Variants in PPP1R9A observed in about 807,000 individuals in gnomAD.
PPP1R9A encodes protein phosphatase 1 regulatory subunit 9A.
Under a neutral mutation model 141.9 loss-of-function variants are expected in PPP1R9A, and 59 were observed. That is an observed-to-expected ratio of 0.42 (90% confidence interval 0.34 to 0.52). The LOEUF is 0.52. Among genes scored for constraint, PPP1R9A ranks in the 20% least tolerant of loss-of-function variants. The pLI is 0.10. For missense variants in PPP1R9A, 1,444 were observed against 1,611.9 expected (o/e 0.90, Z 1.78); for synonymous variants, 500 against 569.7 (o/e 0.88, Z 1.74).
At chr7:95,190,158 C>T (rs1835287405) in intron 5 of PPP1R9A, among the ~76,000 whole-genome samples, 1 of 152,154 alleles carries the variant, frequency 6.6e-6, no homozygotes, top group East Asian at 1.9e-4. Context: ...CAACCTGTTT[C>T]AGTGGAAAAA....
intron 2 of PPP1R9A, among the ~76,000 whole-genome samples, chr7:95,095,434 AAC>A (rs1217654648): frequency 6.6e-6 from 1 of 152,206 alleles, no homozygotes; most frequent in African/African-American, 2.4e-5. Context: ...TTACTTCAAA[AAC>A]ACTAAGAATA....
intron 9 of PPP1R9A, 23 bp downstream of exon 9, chr7:95,247,549 T>C: frequency 8.2e-6 from 13 of 1,577,230 alleles, no homozygotes; most frequent in Non-Finnish European, 1.0e-5. Context: ...ACATGGTGTT[T>C]GAATTTTACT....
At chr7:95,171,355 C>A (rs555056261) in intron 5 of PPP1R9A, among the ~76,000 whole-genome samples, 1 of 151,450 alleles carries the variant, frequency 6.6e-6, no homozygotes, top group African/African-American at 2.4e-5. Context: ...AAATGTGTCA[C>A]GCTAGCATTA....
intron 2 of PPP1R9A, among the ~76,000 whole-genome samples, chr7:95,080,058 A>G (rs1287679006): frequency 6.6e-6 from 1 of 152,130 alleles, no homozygotes; most frequent in Non-Finnish European, 1.5e-5. Context: ...CACCACTCCT[A>G]TTCAACATAG....
At position 95,294,094 on chromosome 7, in the gene PPP1R9A, T is replaced by A. The variant is rs1179574469; in HGVS notation, c.*3791T>A. ...TGGGCAGTGGTCACTAGGGTTCACG[T>A]CACCTACTTAATGCAAAGACCTTAG... On this transcript the variant is annotated 3_prime_UTR_variant, in exon 20 of 20. Transcript: ENST00000433360. The A allele has an allele frequency of 6.6e-6, 1 of 152,128 alleles. No individual in the cohort carries two copies. Among genetic ancestry groups the A allele is most frequent in the East Asian group, 1.9e-4 (1 of 5,192 alleles). 9.4% of individuals were successfully genotyped at this position (152,128 alleles called of 1,614,324 possible).
At position 95,223,552 on chromosome 7, in the gene PPP1R9A, T is replaced by A. The variant is rs184127367; in HGVS notation, c.1957-2409T>A. 3.1e-3 allele frequency among the ~76,000 whole-genome samples: 477 copies of A among 152,196 alleles called. 7 individuals carry two copies. Among genetic ancestry groups the A allele is most frequent in the South Asian group, 3.3e-3 (16 of 4,828 alleles). ...CTTTTAAAAATATTTGCTGAGATCC[T>A]GTTATATGTCAGGTCCCATCCTAGG... is the stretch of plus-strand genomic sequence containing the variant. On this transcript the variant is annotated intron_variant, in intron 7 of 19. Transcript: ENST00000433360.
intron 2 of PPP1R9A, among the ~76,000 whole-genome samples, chr7:95,043,722 T>C (rs1041789865): frequency 2.0e-5 from 3 of 152,340 alleles, no homozygotes; most frequent in East Asian, 3.9e-4. Context: ...TATTGTCTTG[T>C]TAAATTTCCT....
intron 6 of PPP1R9A, among the ~76,000 whole-genome samples, chr7:95,203,318 A>G (rs1789988441): frequency 6.6e-6 from 1 of 152,132 alleles, no homozygotes; most frequent in Non-Finnish European, 1.5e-5. Context: ...ACAATAATAT[A>G]ATATTTATGT....
chr7:95,264,656 TCTGTCATTAGCTA>T (rs1310413463), intron 12 of PPP1R9A, among the ~76,000 whole-genome samples: 1 of 152,192 alleles, frequency 6.6e-6, no homozygotes, highest in Non-Finnish European at 1.5e-5. Context: ...TCAAAACTGC[TCTGTCATTAGCTA>T]CTTCATATCT....
chr7:95,200,502 A>ACTCCTGGCCTCAAGCAGTC lies in PPP1R9A; in HGVS notation c.1890+2025_1890+2043dup, dbSNP rs1480309830. Among the ~76,000 whole-genome samples the ACTCCTGGCCTCAAGCAGTC allele has an allele frequency of 5.3e-5, 8 of 150,202 alleles. 1 individual carries two copies. The East Asian group carries it at 1.6e-3, about 30-fold the overall frequency. On this transcript the variant is annotated intron_variant, in intron 6 of 19. Transcript: ENST00000433360. ...ACTATGTTGTCCAGGCCTGTCTTGAACTCCTGGCCTCAAGCAGTCCTCCTG... is the reference window on the plus strand; with the variant it reads ...ACTATGTTGTCCAGGCCTGTCTTGAACTCCTGGCCTCAAGCAGTCCTCCTGGCCTCAAGCAGTCCTCCTG...
intron 2 of PPP1R9A, among the ~76,000 whole-genome samples, chr7:94,914,436 C>A (rs1791820271): frequency 6.6e-6 from 1 of 152,098 alleles, no homozygotes; most frequent in South Asian, 2.1e-4. Flanking sequence ...TGTACATATA[C>A]CTTGATTTTT....
intron 5 of PPP1R9A, among the ~76,000 whole-genome samples, chr7:95,171,349 G>T (rs1190556610): frequency 1.3e-5 from 2 of 151,546 alleles, no homozygotes; most frequent in African/African-American, 2.4e-5. Flanking sequence ...TAGAAAAAAT[G>T]TGTCACGCTA....
At chr7:94,958,346 C>A (rs1180975266) in intron 2 of PPP1R9A, among the ~76,000 whole-genome samples, 2 of 151,800 alleles carry the variant, frequency 1.3e-5, no homozygotes, top group Admixed American at 6.6e-5. Flanking sequence ...CTTGATGTTT[C>A]TTCTTCATTT....
intron 4 of PPP1R9A, among the ~76,000 whole-genome samples, chr7:95,141,126 A>G (rs1468833563): frequency 1.3e-5 from 2 of 152,214 alleles, no homozygotes; most frequent in Non-Finnish European, 2.9e-5. Context: ...TGCATGGTGA[A>G]ATAAGGGTGA....
rs114207087 is a variant in PPP1R9A at position 94,991,113 on chromosome 7, G to A, written c.1395+79605G>A. ...TAGTTTTTTGAGAAACTTCCATACT[G>A]TTCTTCATAGTGGCTGTACTAGTTT... On this transcript the variant is annotated intron_variant, in intron 2 of 19. Transcript: ENST00000433360. Among the ~76,000 whole-genome samples, 512 of 152,238 alleles carry A rather than the reference G, an allele frequency of 3.4e-3. 5 individuals carry two copies. Among genetic ancestry groups the A allele is most frequent in the African/African-American group, 0.012 (487 of 41,552 alleles).
At position 95,250,061 on chromosome 7, in the gene PPP1R9A, A is replaced by G. The variant is rs1462575310; in HGVS notation, c.2202A>G (p.Glu734=). Residue 734 remains glutamate, a synonymous_variant, in exon 10 of 20, where the codon GAA becomes GAG. Transcript: ENST00000433360. ...CAGAAAATGAGAAAGTGAGGTGGGA[A>G]CTAGAAAAAACCCAACTCCAACAAA... ...QAAENEKVRW[E]LEKTQLQQNI... is the part of the protein sequence containing the mutation. 1 of 1,611,338 alleles carries G rather than the reference A, an allele frequency of 6.2e-7. No individual in the cohort carries two copies. Among genetic ancestry groups the G allele is most frequent in the African/African-American group, 1.3e-5 (1 of 74,808 alleles).
chr7:95,211,056 T>A (rs1347287732), intron 7 of PPP1R9A, among the ~76,000 whole-genome samples: 1 of 151,884 alleles, frequency 6.6e-6, no homozygotes, highest in African/African-American at 2.4e-5. Context: ...AGATGACCGG[T>A]TGATGGGTGC....
At chr7:95,219,273 C>A (rs1794032405) in intron 7 of PPP1R9A, among the ~76,000 whole-genome samples, 1 of 152,114 alleles carries the variant, frequency 6.6e-6, no homozygotes, top group Non-Finnish European at 1.5e-5. Context: ...AAATTCTTTT[C>A]TTTAAGAATG....
At chr7:94,975,346 GT>G (rs67413314) in intron 2 of PPP1R9A, among the ~76,000 whole-genome samples, 74,626 of 128,466 alleles carry the variant, frequency 0.58, 20,559 homozygotes, top group Middle Eastern at 0.64. Flanking sequence ...ACAGGCTGTA[GT>G]TTTTTTTTGT....
Sources: allele counts gnomAD v4.1 joint callset (sites outside exome capture counted in the v4.1 genomes callset), GRCh38; gene constraint gnomAD v4.1.1; transcripts MANE v1.5; gene names NCBI Gene and HGNC (gene_info 2026-07-23, HGNC 2026-07-21).